DCC: variants seen among roughly 807,000 people sequenced by gnomAD.
DCC encodes the protein netrin receptor DCC.
DCC carries 58 observed loss-of-function variants against 172.5 expected under a neutral mutation model. The observed-to-expected ratio is 0.34, with a 90% CI of 0.27 to 0.42. The LOEUF is 0.42. Among genes scored for constraint, DCC ranks in the 10% least tolerant of loss-of-function variants. The pLI is 1.00. For missense variants in DCC, 1,740 were observed against 1,791.0 expected (o/e 0.97, Z 0.51); for synonymous variants, 709 against 644.5 (o/e 1.10, Z -1.52).
chr18:53,207,906 T>C lies in DCC; in HGVS notation c.1861+89T>C, dbSNP rs1028672129. On this transcript the variant is annotated intron_variant, in intron 11 of 28. Coordinates refer to ENST00000442544, the MANE Select transcript of DCC (RefSeq NM_005215.4). ...TATTGCACATATATCATATATTCCA[T>C]TTTCAAGGCTTCCTGACTAAAATTT... 9 of 1,261,368 alleles carry C rather than the reference T, an allele frequency of 7.1e-6. No homozygotes were observed. The East Asian group carries it at 1.2e-4, about 16-fold the overall frequency. The allele number at this position is 1,261,368 out of a possible 1,614,324, so 78.1% of individuals were successfully genotyped here.
chr18:53,263,116 T>C (rs2056625559), intron 12 of DCC, among the ~76,000 whole-genome samples: 2 of 152,176 alleles, frequency 1.3e-5, no homozygotes, highest in East Asian at 3.9e-4. Context: ...TTATTCTGAA[T>C]GAATTCAACA....
At chr18:53,411,415 A>T (rs939717320) in intron 20 of DCC, among the ~76,000 whole-genome samples, 2 of 152,168 alleles carry the variant, frequency 1.3e-5, no homozygotes, top group African/African-American at 4.8e-5. Context: ...TTAAGGCATG[A>T]TATGTGTTGT....
At chr18:53,368,966 T>TA (rs769348737) in intron 15 of DCC, among the ~76,000 whole-genome samples, 10 of 151,946 alleles carry the variant, frequency 6.6e-5, no homozygotes, top group East Asian at 5.8e-4. Context: ...TTTTCTGTTC[T>TA]AAAAAAAATC....
At chr18:52,643,236 A>T (rs1308945662) in intron 1 of DCC, among the ~76,000 whole-genome samples, 1 of 152,210 alleles carries the variant, frequency 6.6e-6, no homozygotes, top group South Asian at 2.1e-4. Context: ...GAAGGTTCAG[A>T]CAAGAAGATT....
At chr18:53,407,552 TA>T (rs1188604251) in intron 19 of DCC, among the ~76,000 whole-genome samples, 9 of 146,006 alleles carry the variant, frequency 6.2e-5, no homozygotes, top group Non-Finnish European at 1.4e-4. Flanking sequence ...TATATATATA[TA>T]TATTCACTAT....
At chr18:52,401,851 A>G (rs1224195182) in intron 1 of DCC, among the ~76,000 whole-genome samples, 2 of 152,028 alleles carry the variant, frequency 1.3e-5, no homozygotes, top group Non-Finnish European at 2.9e-5. Flanking sequence ...CTGTTCTGTC[A>G]TAAATTTTTG....
At chr18:53,059,091 A>G (rs1166316098) in intron 5 of DCC, among the ~76,000 whole-genome samples, 1 of 152,060 alleles carries the variant, frequency 6.6e-6, no homozygotes, top group Admixed American at 6.6e-5. Flanking sequence ...CAGCAAGGAG[A>G]AGTGTGGAGC....
intron 5 of DCC, among the ~76,000 whole-genome samples, chr18:53,030,328 G>A (rs1353198174): frequency 6.6e-6 from 1 of 152,114 alleles, no homozygotes; most frequent in Non-Finnish European, 1.5e-5. Flanking sequence ...TATATATCTA[G>A]TGCAGGGAAG....
At position 52,618,436 on chromosome 18, in the gene DCC, T is replaced by C. The variant is rs115150438; in HGVS notation, c.92-133618T>C. 3.9e-5 allele frequency among the ~76,000 whole-genome samples: 6 copies of C among 152,182 alleles called. No individual in the cohort carries two copies. In the East Asian group the frequency reaches 5.8e-4, roughly 15 times the overall value. On this transcript the variant is annotated intron_variant, in intron 1 of 28. Coordinates refer to ENST00000442544, the MANE Select transcript of DCC (RefSeq NM_005215.4). The stretch of plus-strand genomic sequence containing the variant: ...ATCGTATTTAACCAAAAAATGTCTC[T>C]CTCTAACTTCGACCCATTGGTCCCT...
intron 1 of DCC, among the ~76,000 whole-genome samples, chr18:52,572,837 C>G (rs1301163372): frequency 6.6e-6 from 1 of 152,210 alleles, no homozygotes; most frequent in Non-Finnish European, 1.5e-5. Context: ...CCTATTCCCT[C>G]AGGGTACATT....
intron 25 of DCC, among the ~76,000 whole-genome samples, chr18:53,485,164 A>T (rs1409472714): frequency 6.6e-6 from 1 of 152,138 alleles, no homozygotes; most frequent in Non-Finnish European, 1.5e-5. Context: ...TTGTCACAAA[A>T]AGTAACTGTG....
At chr18:52,824,168 G>A (rs2038462454) in intron 2 of DCC, among the ~76,000 whole-genome samples, 1 of 152,186 alleles carries the variant, frequency 6.6e-6, no homozygotes, top group African/African-American at 2.4e-5. Context: ...CACTTGATGA[G>A]AAATACGCTG....
chr18:52,542,105 T>G (rs1145273), intron 1 of DCC, among the ~76,000 whole-genome samples: 10 of 150,122 alleles, frequency 6.7e-5, no homozygotes, highest in Admixed American at 5.3e-4. Flanking sequence ...AAATCTATAC[T>G]AGGACCTATC....
chr18:53,487,908 T>C (rs1466988472), intron 26 of DCC, among the ~76,000 whole-genome samples: 1 of 152,124 alleles, frequency 6.6e-6, no homozygotes, highest in Non-Finnish European at 1.5e-5. Context: ...GTAGAAAGTC[T>C]AATAACCAAA....
chr18:53,223,851 T>G (rs1322316030), intron 12 of DCC, among the ~76,000 whole-genome samples: 1 of 152,212 alleles, frequency 6.6e-6, no homozygotes, highest in African/African-American at 2.4e-5. Flanking sequence ...TAGACACACA[T>G]TCAATGAATA....
intron 18 of DCC, among the ~76,000 whole-genome samples, chr18:53,398,072 A>G (rs973996753): frequency 6.6e-6 from 1 of 152,192 alleles, no homozygotes; most frequent in Non-Finnish European, 1.5e-5. Flanking sequence ...AACTTTAACA[A>G]GGATGCAGTG....
chr18:52,925,572 C>T (rs1000009623), intron 5 of DCC, among the ~76,000 whole-genome samples: 5 of 151,748 alleles, frequency 3.3e-5, no homozygotes, highest in African/African-American at 1.2e-4. Context: ...AATTAAAATC[C>T]AGATATATTA....
chr18:53,222,787 T>C (rs150336396), intron 12 of DCC, among the ~76,000 whole-genome samples: 2 of 152,278 alleles, frequency 1.3e-5, no homozygotes, highest in African/African-American at 4.8e-5. Context: ...GAAGTATTTG[T>C]TTAACTCAGC....
intron 2 of DCC, among the ~76,000 whole-genome samples, chr18:52,780,019 G>A (rs1398894723): frequency 1.3e-5 from 2 of 151,954 alleles, no homozygotes; most frequent in Admixed American, 6.6e-5. Flanking sequence ...ACAGTTTTGG[G>A]ATTTCCAATC....
Sources: gnomAD v4.1 joint callset for allele counts (sites outside exome capture counted in the v4.1 genomes callset) on GRCh38, gnomAD v4.1.1 for gene constraint, MANE v1.5 for transcripts, NCBI Gene and HGNC (gene_info 2026-07-23, HGNC 2026-07-21) for gene names.